Variants in MEGF10 observed in about 807,000 individuals in gnomAD.
The protein encoded by MEGF10 is multiple EGF like domains 10.
In MEGF10, 86 loss-of-function variants were observed where a neutral mutation model predicts 147.5. The ratio of observed to expected loss-of-function variants is 0.58; its 90% CI spans 0.49 to 0.70. The LOEUF (loss-of-function observed/expected upper bound fraction) is 0.70. Among genes scored for constraint, MEGF10 ranks in the 30% least tolerant of loss-of-function variants. The pLI is 0.00. For missense variants in MEGF10, 1,329 were observed against 1,487.3 expected, an observed-to-expected ratio of 0.89 and a Z score of 1.75; for synonymous variants, 478 against 525.5, an observed-to-expected ratio of 0.91 and a Z score of 1.24.
intron 5 of MEGF10, among the ~76,000 whole-genome samples, chr5:127,395,572 T>C (rs1320727601): frequency 3.9e-5 from 5 of 128,352 alleles, no homozygotes; most frequent in Non-Finnish European, 8.0e-5. Context: ...TGAGACGGAG[T>C]CTTGCTCTGT....
chr5:127,420,115 C>T lies in MEGF10; in HGVS notation c.1498C>T (p.Gln500Ter). The change falls in exon 12 of 25, where the codon CAG (glutamine) becomes TAG (stop). Residue 500 changes from glutamine (Q) to a stop codon, truncating the protein, a stop_gained. Transcript: ENST00000503335. LOFTEE classifies it high-confidence loss of function. ...TWGFGCNLTC[Q>*]CLNGGACNTL... ...GGGCTTTGGCTGTAACTTAACATGC[C>T]AGTGCCTCAACGGGGGAGCCTGCAA... 1 of 1,614,174 alleles carries T rather than the reference C, an allele frequency of 6.2e-7. No individual in the cohort carries two copies. The highest frequency in any genetic ancestry group is 8.5e-7 in the Non-Finnish European group (1 of 1,180,034).
chr5:127,395,960 A>C (rs892215206), intron 5 of MEGF10, among the ~76,000 whole-genome samples: 1 of 151,848 alleles, frequency 6.6e-6, no homozygotes, highest in African/African-American at 2.4e-5. Context: ...CTCCCTTTTC[A>C]TGGTTACTGC....
chr5:127,253,299 A>G, the MEGF10 span, among the ~76,000 whole-genome samples: 2 of 151,976 alleles, frequency 1.3e-5, no homozygotes, highest in African/African-American at 2.4e-5. Flanking sequence ...AGATAGGGGA[A>G]GTCCTAGATA....
intron 9 of MEGF10, among the ~76,000 whole-genome samples, chr5:127,413,047 T>A (rs1050031113): frequency 2.6e-5 from 4 of 152,176 alleles, no homozygotes; most frequent in African/African-American, 9.7e-5. Context: ...CCCCTTTAGA[T>A]AAGACAAGTC....
chr5:127,242,487 ATTAC>A, the MEGF10 span, among the ~76,000 whole-genome samples: 6 of 152,224 alleles, frequency 3.9e-5, no homozygotes, highest in African/African-American at 7.2e-5. Context: ...AAAATCCTCT[ATTAC>A]TTTTGTTTGT....
intron 1 of MEGF10, among the ~76,000 whole-genome samples, chr5:127,315,590 A>G (rs1290799965): frequency 6.6e-6 from 1 of 152,130 alleles, no homozygotes; most frequent in African/African-American, 2.4e-5. Flanking sequence ...AGCATGGGCA[A>G]TATGATGAGA....
the MEGF10 span, among the ~76,000 whole-genome samples, chr5:127,281,060 T>C: frequency 6.6e-6 from 1 of 152,164 alleles, no homozygotes; most frequent in Non-Finnish European, 1.5e-5. Context: ...TCAGAGTCAG[T>C]GTCCAGGGCT....
chr5:127,393,571 C>T (rs980593305), intron 5 of MEGF10, among the ~76,000 whole-genome samples: 2 of 152,138 alleles, frequency 1.3e-5, no homozygotes, highest in Admixed American at 6.5e-5. Flanking sequence ...CCTGAATAGA[C>T]CATGTTGATG....
chr5:127,340,781 A>T, intron 4 of MEGF10, 151 bp downstream of exon 4: 1 of 617,392 alleles, frequency 1.6e-6, no homozygotes, highest in South Asian at 2.2e-5. Flanking sequence ...GGCTTGTGTA[A>T]TGAAGGAAAC....
intron 2 of MEGF10, among the ~76,000 whole-genome samples, chr5:127,333,645 C>T (rs1481049963): frequency 1.3e-5 from 2 of 152,200 alleles, no homozygotes; most frequent in African/African-American, 2.4e-5. Flanking sequence ...GCTGCCAATG[C>T]ATAAGTGCAT....
intron 5 of MEGF10, among the ~76,000 whole-genome samples, chr5:127,380,582 A>G (rs1763215000): frequency 6.6e-6 from 1 of 151,238 alleles, no homozygotes; most frequent in Admixed American, 6.6e-5. Context: ...CAGTGGCGCA[A>G]TCTTGGCTCA....
chr5:127,360,013 G>A (rs931615638), intron 4 of MEGF10, among the ~76,000 whole-genome samples: 4 of 152,056 alleles, frequency 2.6e-5, no homozygotes, highest in Non-Finnish European at 4.4e-5. Flanking sequence ...ACTATTGGAG[G>A]AGAATCGATA....
intron 1 of MEGF10, among the ~76,000 whole-genome samples, chr5:127,313,101 G>A (rs1219190911): frequency 6.6e-6 from 1 of 152,172 alleles, no homozygotes; most frequent in Non-Finnish European, 1.5e-5. Context: ...AGAACACACA[G>A]CTGAAAACTT....
the MEGF10 span, among the ~76,000 whole-genome samples, chr5:127,255,762 C>T: frequency 3.4e-4 from 52 of 152,286 alleles, no homozygotes; most frequent in South Asian, 0.01. Flanking sequence ...ACAATGGATT[C>T]GTCTCTTTCT....
intron 5 of MEGF10, among the ~76,000 whole-genome samples, chr5:127,386,701 G>A (rs1185166510): frequency 6.6e-6 from 1 of 152,294 alleles, no homozygotes; most frequent in Middle Eastern, 3.4e-3. Context: ...TGAGAACTAA[G>A]TTGTCCTTTC....
the MEGF10 span, among the ~76,000 whole-genome samples, chr5:127,265,363 A>G: frequency 6.6e-6 from 1 of 152,212 alleles, no homozygotes; most frequent in Non-Finnish European, 1.5e-5. Flanking sequence ...TATTGTGAAT[A>G]GTGCCACAAT....
At chr5:127,422,330 G>A (rs909328615) in intron 12 of MEGF10, among the ~76,000 whole-genome samples, 1 of 152,032 alleles carries the variant, frequency 6.6e-6, no homozygotes, top group African/African-American at 2.4e-5. Flanking sequence ...AGACCAGCCT[G>A]ACCAACAAGG....
chr5:127,351,243 GC>G (rs1038779795), intron 4 of MEGF10, among the ~76,000 whole-genome samples: 9 of 151,992 alleles, frequency 5.9e-5, no homozygotes, highest in African/African-American at 2.2e-4. Flanking sequence ...AAACAGATGA[GC>G]AAAAAGAGAA....
intron 5 of MEGF10, among the ~76,000 whole-genome samples, chr5:127,389,735 A>T (rs753561505): frequency 1.3e-5 from 2 of 152,188 alleles, no homozygotes; most frequent in Non-Finnish European, 2.9e-5. Context: ...ACACATGGAC[A>T]CATAAAGAGG....
Sources: gnomAD v4.1 joint callset for allele counts (sites outside exome capture counted in the v4.1 genomes callset) on GRCh38, gnomAD v4.1.1 for gene constraint, MANE v1.5 for transcripts, NCBI Gene and HGNC (gene_info 2026-07-23, HGNC 2026-07-21) for gene names.